SPRED2: variants seen among roughly 807,000 people sequenced by gnomAD.
SPRED2 encodes the protein sprouty related EVH1 domain containing 2, also known as sprouty-related, EVH1 domain-containing protein 2.
Under a neutral mutation model 43.0 loss-of-function variants are expected in SPRED2, and 47 were observed. The observed-to-expected ratio is 1.09, with a 90% CI of 0.87 to 1.40. SPRED2 has a LOEUF of 1.40. Ranked by LOEUF, SPRED2 falls within the 40% of genes most tolerant of loss-of-function variation. SPRED2 has a pLI of 0.00. For missense variants in SPRED2, 561 were observed against 586.4 expected (o/e 0.96, Z 0.45); for synonymous variants, 225 against 225.7 (o/e 1.00, Z 0.03).
At chr2:65,336,220 T>G (rs1454353880) in intron 2 of SPRED2, among the ~76,000 whole-genome samples, 2 of 152,074 alleles carry the variant, frequency 1.3e-5, no homozygotes, top group Non-Finnish European at 2.9e-5. Context: ...CTGGGTGTGG[T>G]GGCACACATC....
chr2:65,380,069 C>T (rs72822490), intron 1 of SPRED2, among the ~76,000 whole-genome samples: 7,822 of 152,236 alleles, frequency 0.051, 313 homozygotes, highest in Non-Finnish European at 0.075. Flanking sequence ...CCTGAGGGTC[C>T]TTCCCTTGAC....
Position 65,312,665 on chromosome 2 carries a change from G to A in SPRED2, c.*836C>T. The A allele has an allele frequency of 1.0e-6, 1 of 985,836 alleles. No individual in the cohort carries two copies. Among genetic ancestry groups the A allele is most frequent in the Non-Finnish European group, 1.2e-6 (1 of 829,942 alleles). The allele number at this position is 985,836 out of a possible 1,614,324, so 61.1% of individuals were successfully genotyped here. On this transcript the variant is annotated 3_prime_UTR_variant, in exon 6 of 6. Transcript: ENST00000356388. ...ATTTAAAAAATGTTCTACTTTAGGGGTAATGGGGAGGCTCATAGAAACCTG... is the reference window on the plus strand; with the variant it reads ...ATTTAAAAAATGTTCTACTTTAGGGATAATGGGGAGGCTCATAGAAACCTG...
intron 1 of SPRED2, among the ~76,000 whole-genome samples, chr2:65,409,219 T>C (rs1486588013): frequency 6.6e-6 from 1 of 152,198 alleles, no homozygotes; most frequent in East Asian, 1.9e-4. Context: ...TAAGAGGTAC[T>C]GTCTAACACA....
Position 65,312,718 on chromosome 2 carries a change from A to G in SPRED2, c.*783T>C. On this transcript the variant is annotated 3_prime_UTR_variant, in exon 6 of 6. Transcript: ENST00000356388. ...ATCCCCATTCTAGCCCTGGTCCAAG[A>G]GGATGCAATGCAGTTGAAGGAATTT... 1.0e-6 allele frequency: 1 copy of G among 985,884 alleles called. No individual in the cohort carries two copies. The highest frequency in any genetic ancestry group is 1.2e-6 in the Non-Finnish European group (1 of 829,934). The allele number at this position is 985,884 out of a possible 1,614,324, so 61.1% of individuals were successfully genotyped here. A position where few individuals can be genotyped will look rare whatever the true frequency, so the allele number is the denominator to read the frequency against.
At chr2:65,314,213 A>AAAAC (rs746973481) in intron 5 of SPRED2, 44 bp from the exon 6 acceptor site, 5 of 1,516,764 alleles carry the variant, frequency 3.3e-6, no homozygotes, top group South Asian at 1.3e-5. Context: ...CAGCGGCCAA[A>AAAAC]AAACAAACAA....
At chr2:65,346,590 G>C (rs1160558698) in intron 1 of SPRED2, among the ~76,000 whole-genome samples, 1 of 152,048 alleles carries the variant, frequency 6.6e-6, no homozygotes, top group Admixed American at 6.5e-5. Context: ...TGATACTCTA[G>C]GTACCTCATA....
intron 1 of SPRED2, among the ~76,000 whole-genome samples, chr2:65,378,432 C>T (rs1250339454): frequency 6.6e-6 from 1 of 152,082 alleles, no homozygotes; most frequent in African/African-American, 2.4e-5. Flanking sequence ...TGCAGTCCAC[C>T]CCCTCCATAC....
intron 1 of SPRED2, among the ~76,000 whole-genome samples, chr2:65,421,361 T>G (rs982451028): frequency 6.6e-6 from 1 of 152,112 alleles, no homozygotes; most frequent in Non-Finnish European, 1.5e-5. Context: ...GTCTGGACAA[T>G]GAAGATAAAA....
At chr2:65,382,334 G>A (rs906712723) in intron 1 of SPRED2, among the ~76,000 whole-genome samples, 1 of 152,148 alleles carries the variant, frequency 6.6e-6, no homozygotes, top group African/African-American at 2.4e-5. Context: ...AGCCAGGGGG[G>A]GTGCTTTGGA....
chr2:65,314,012 G>T lies in SPRED2; in HGVS notation c.746C>A (p.Ser249Tyr). The part of the protein sequence containing the change: ...KYPDPSEDAD[S>Y]SYVRFAKGEV... ...GCCCTTGGCGAAGCGCACGTAGGAGGAGTCCGCGTCCTCCGAGGGGTCCGG... is the reference window on the plus strand; with the variant it reads ...GCCCTTGGCGAAGCGCACGTAGGAGTAGTCCGCGTCCTCCGAGGGGTCCGG... Residue 249 changes from serine to tyrosine, a missense_variant, in exon 6 of 6, where the codon TCC becomes TAC. Physicochemically the swap from Ser to Tyr is moderately radical, Grantham distance 144. Coordinates refer to ENST00000356388, the MANE Select transcript of SPRED2 (RefSeq NM_181784.3). 1 of 1,614,030 alleles carries T rather than the reference G, an allele frequency of 6.2e-7. No individual in the cohort carries two copies. The highest frequency in any genetic ancestry group is 8.5e-7 in the Non-Finnish European group (1 of 1,180,034).
intron 1 of SPRED2, among the ~76,000 whole-genome samples, chr2:65,375,140 G>C (rs1420022463): frequency 3.3e-5 from 5 of 152,216 alleles, no homozygotes; most frequent in Admixed American, 1.3e-4. Flanking sequence ...CTGAGACTTG[G>C]GGGCCCCTGC....
At chr2:65,418,975 T>C (rs1223745075) in intron 1 of SPRED2, among the ~76,000 whole-genome samples, 2 of 152,150 alleles carry the variant, frequency 1.3e-5, no homozygotes, top group Non-Finnish European at 2.9e-5. Context: ...AAAGAATCCT[T>C]AAATATTACT....
chr2:65,323,673 G>A (rs1332717106), intron 4 of SPRED2, among the ~76,000 whole-genome samples: 1 of 151,836 alleles, frequency 6.6e-6, no homozygotes, highest in East Asian at 1.9e-4. Flanking sequence ...TCAGGAGATC[G>A]AGACCATTCT....
chr2:65,331,079 A>G (rs914024978), intron 4 of SPRED2, among the ~76,000 whole-genome samples: 3 of 152,198 alleles, frequency 2.0e-5, no homozygotes, highest in Non-Finnish European at 4.4e-5. Context: ...CAACATACAT[A>G]TATTTCTTAT....
chr2:65,368,006 C>A (rs1284757002), intron 1 of SPRED2, among the ~76,000 whole-genome samples: 1 of 151,984 alleles, frequency 6.6e-6, no homozygotes, highest in African/African-American at 2.4e-5. Flanking sequence ...TGAAATAAAA[C>A]CACTGTTGAA....
In SPRED2 at chr2:65,311,562, T is replaced by C. The variant is rs1673068531; in HGVS notation, c.*1939A>G. On this transcript the variant is annotated 3_prime_UTR_variant, in exon 6 of 6. Transcript: ENST00000356388. ...TAGAGAAAGACCCCAAGGAAGTGCC[T>C]CCGGGTCGGGGGAAGGTGGTCTCTC... 2.0e-6 allele frequency: 2 copies of C among 985,730 alleles called. No individual in the cohort carries two copies. The highest frequency in any genetic ancestry group is 1.7e-5 in the African/African-American group (1 of 57,214). 61.1% of individuals were successfully genotyped at this position (985,730 alleles called of 1,614,324 possible). A position where few individuals can be genotyped will look rare whatever the true frequency, so the allele number is the denominator to read the frequency against.
chr2:65,332,098 T>C, intron 3 of SPRED2, 47 bp from the exon 4 acceptor site: 1 of 1,257,992 alleles, frequency 7.9e-7, no homozygotes, highest in Non-Finnish European at 1.1e-6. Context: ...AGAGGATACA[T>C]CAAATCCAAC....
At chr2:65,391,456 G>T (rs919932640) in intron 1 of SPRED2, among the ~76,000 whole-genome samples, 2 of 152,152 alleles carry the variant, frequency 1.3e-5, no homozygotes, top group Non-Finnish European at 2.9e-5. Context: ...GGCAAAATTT[G>T]GATCATGTTA....
At chr2:65,402,042 T>C (rs1271636862) in intron 1 of SPRED2, among the ~76,000 whole-genome samples, 2 of 150,746 alleles carry the variant, frequency 1.3e-5, no homozygotes, top group African/African-American at 4.9e-5. Context: ...AGGTATTTCA[T>C]ACAGGCTTGT....
Sources: gnomAD v4.1 joint callset for allele counts (sites outside exome capture counted in the v4.1 genomes callset) on GRCh38, gnomAD v4.1.1 for gene constraint, MANE v1.5 for transcripts, NCBI Gene and HGNC (gene_info 2026-07-23, HGNC 2026-07-21) for gene names.